MCF2L: variants seen among roughly 807,000 people sequenced by gnomAD.
MCF2L encodes the protein guanine nucleotide exchange factor DBS.
Under a neutral mutation model 153.4 loss-of-function variants are expected in MCF2L, and 97 were observed. The observed-to-expected ratio is 0.63, with a 90% confidence interval of 0.54 to 0.75. MCF2L has a LOEUF of 0.75. Among genes scored for constraint, MCF2L ranks in the 30% least tolerant of loss-of-function variants. The pLI, the probability that MCF2L is intolerant of heterozygous loss-of-function variation, is 0.00. For missense variants in MCF2L, 1,347 were observed against 1,495.2 expected (o/e 0.90, Z 1.64); for synonymous variants, 659 against 632.2 (o/e 1.04, Z -0.64).
Position 112,946,298 on chromosome 13 carries a change from A to C in MCF2L, c.169+43927A>C, listed in dbSNP as rs565257403. On this transcript the variant is annotated intron_variant, in intron 2 of 29. Coordinates refer to the MCF2L transcript ENST00000375608. ...CTCCCTTTCTGATAAAAAAAAAAAA[A>C]CTATAGTAACTTTAATCCCTAAATA... 2.2e-3 allele frequency among the ~76,000 whole-genome samples: 331 copies of C among 150,458 alleles called. 7 individuals are homozygous for C. In the East Asian group the frequency reaches 0.034, roughly 16 times the overall value.
chr13:112,933,676 T>G lies in MCF2L; in HGVS notation c.169+31305T>G, dbSNP rs544539344. Among the ~76,000 whole-genome samples, 2 of 152,382 alleles carry G rather than the reference T, an allele frequency of 1.3e-5. 1 individual carries two copies. The highest frequency in any genetic ancestry group is 4.8e-5 in the African/African-American group (2 of 41,596). On this transcript the variant is annotated intron_variant, in intron 2 of 29. Coordinates refer to the MCF2L transcript ENST00000375608. ...GGAATATGTTGATGTTAACTCTTCA[T>G]CCTCATGACAACCCTGTGAGGTGTG...
At chr13:113,002,347 T>G (rs1250058060) in intron 1 of MCF2L, among the ~76,000 whole-genome samples, 1 of 152,264 alleles carries the variant, frequency 6.6e-6, no homozygotes, top group Non-Finnish European at 1.5e-5. Flanking sequence ...TCGAGGTTTT[T>G]CATAGACAGG....
At chr13:112,981,156 T>C (rs1594464111) in intron 1 of MCF2L, among the ~76,000 whole-genome samples, 1 of 147,434 alleles carries the variant, frequency 6.8e-6, no homozygotes, top group Admixed American at 6.7e-5. Context: ...GACCCTGACA[T>C]GTCCCCTTCC....
At chr13:112,991,406 G>T (rs1039362225) in intron 1 of MCF2L, among the ~76,000 whole-genome samples, 1 of 151,770 alleles carries the variant, frequency 6.6e-6, no homozygotes, top group Non-Finnish European at 1.5e-5. Flanking sequence ...GTTTTGGGGG[G>T]TGTCTCTGAG....
intron 26 of MCF2L, among the ~76,000 whole-genome samples, chr13:113,091,800 G>A (rs1218464507): frequency 2.6e-5 from 4 of 152,216 alleles, no homozygotes; most frequent in Non-Finnish European, 5.9e-5. Context: ...CCCCTGGCCT[G>A]TTGAGGACCT....
In MCF2L at chr13:113,065,002, C is replaced by A. The variant is rs2032134397; in HGVS notation, c.673C>A (p.Leu225Met). ...AQMLQSFGTE[L>M]AETELPNDVQ... is the part of the protein sequence containing the mutation. ...GATGCTGCAGTCCTTCGGGACCGAG[C>A]TGGCTGAAACAGAGCTGCCCAATGA... The change falls in exon 7 of 30, where the codon CTG becomes ATG. Residue 225 changes from leucine to methionine, a missense_variant. Around this residue, in one of 3 missense-constraint regions of MCF2L, gnomAD observed 820 missense variants for 921.2 expected, o/e 0.89. Coordinates refer to ENST00000535094, the MANE Select transcript of MCF2L (RefSeq NM_001112732.3). The A allele has an allele frequency of 1.2e-6, 2 of 1,612,934 alleles. No individual in the cohort carries two copies. Among genetic ancestry groups the A allele is most frequent in the Non-Finnish European group, 1.7e-6 (2 of 1,180,000 alleles).
At chr13:112,955,722 G>A (rs1158004078) in intron 2 of MCF2L, among the ~76,000 whole-genome samples, 1 of 152,134 alleles carries the variant, frequency 6.6e-6, no homozygotes. Flanking sequence ...GAGCCCCTGC[G>A]CTCAGCATTT....
Position 113,053,964 on chromosome 13 carries a change from C to T in MCF2L, c.370-6629C>T, listed in dbSNP as rs916091391. 3.3e-5 allele frequency among the ~76,000 whole-genome samples: 5 copies of T among 152,144 alleles called. No homozygotes were observed. The highest frequency in any genetic ancestry group is 2.1e-4 in the South Asian group (1 of 4,818). On this transcript the variant is annotated intron_variant, in intron 4 of 29. Coordinates refer to ENST00000535094, the MANE Select transcript of MCF2L (RefSeq NM_001112732.3). This position sits in a 1 kb window ranked among gnomAD's most constrained non-coding sequence, Gnocchi z 4.4. ...ACTCTTGATGGGAGCTCAGTTCACA[C>T]GGCTCCGAATCGGCGAAACGCAACC...
intron 1 of MCF2L, among the ~76,000 whole-genome samples, chr13:112,996,200 C>A (rs921694752): frequency 6.6e-6 from 1 of 152,144 alleles, no homozygotes; most frequent in African/African-American, 2.4e-5. Flanking sequence ...TGGAGGCGTG[C>A]ACCTGTAACC....
At position 113,044,815 on chromosome 13, in the gene MCF2L, C is replaced by T. The variant is rs566368123; in HGVS notation, c.279-456C>T. ...AGTCTTGGGGATTTTCTCCCAGCAC[C>T]GTAGCCATGCCACCACGAGTGAATC... On this transcript the variant is annotated intron_variant, in intron 3 of 29. Transcript: ENST00000535094. 59 of 1,612,916 alleles carry T rather than the reference C, an allele frequency of 3.7e-5. No homozygotes were observed. In the Admixed American group the frequency reaches 5.8e-4, roughly 16 times the overall value.
At position 113,074,452 on chromosome 13, in the gene MCF2L, C is replaced by T; in HGVS notation, c.1005C>T (p.Ala335=). ...HFEQGFREVK[A]ILDAASQKIA... is the part of the protein sequence containing the mutation. ...GCCCTCCTCTGTTCCAGGTCAAAGC[C>T]ATCTTGGACGCAGCGTCCCAGAAGA... The change falls in exon 10 of 30, where the codon GCC becomes GCT. Residue 335 remains alanine, a synonymous_variant. Coordinates refer to ENST00000535094, the MANE Select transcript of MCF2L (RefSeq NM_001112732.3). The surrounding 1 kb of genome is among the most constrained non-coding windows in gnomAD (Gnocchi z 4.2). 6.2e-7 allele frequency: 1 copy of T among 1,613,510 alleles called. No homozygotes were observed. The highest frequency in any genetic ancestry group is 1.3e-5 in the African/African-American group (1 of 75,064).
chr13:113,089,657 A>G lies in MCF2L; in HGVS notation c.2882A>G (p.Lys961Arg). 1.2e-6 allele frequency: 2 copies of G among 1,614,000 alleles called. No homozygotes were observed. Among genetic ancestry groups the G allele is most frequent in the Non-Finnish European group, 8.5e-7 (1 of 1,179,998 alleles). The change falls in exon 26 of 30, where the codon AAA becomes AGA. Residue 961 changes from lysine to arginine, a missense_variant. Around this residue, in one of 3 missense-constraint regions of MCF2L, gnomAD observed 383 missense variants for 335.4 expected, o/e 1.14. Coordinates refer to ENST00000535094, the MANE Select transcript of MCF2L (RefSeq NM_001112732.3). ...AACATCAAGAAGCTGGAAGAAAGGA[A>G]AACAGACCCCCTAAGCCTGGAGGGA... Reference protein sequence around the residue: ...SRNIKKLEERKTDPLSLEGYV... With the variant: ...SRNIKKLEERRTDPLSLEGYV...
rs567507359 is a variant in MCF2L, at chr13:112,900,925, T to C, written c.-4-1274T>C. Among the ~76,000 whole-genome samples, 7 of 147,998 alleles carry C rather than the reference T, an allele frequency of 4.7e-5. No individual in the cohort carries two copies. In the South Asian group the frequency reaches 1.3e-3, roughly 28 times the overall value. On this transcript the variant is annotated intron_variant, in intron 1 of 29. Transcript: ENST00000375608. Reference sequence around the variant, plus strand: ...TGCAGGTCTGACCTGAGGGATGGGATGGGGTTTAGCTGAAGACAATGAAAG... The same window carrying C: ...TGCAGGTCTGACCTGAGGGATGGGACGGGGTTTAGCTGAAGACAATGAAAG...
At chr13:113,000,336 C>T (rs917704976) in intron 1 of MCF2L, among the ~76,000 whole-genome samples, 1 of 152,132 alleles carries the variant, frequency 6.6e-6, no homozygotes, top group Non-Finnish European at 1.5e-5. Context: ...GACATCACAG[C>T]CCCTCGGTGG....
At chr13:112,917,330 A>C in intron 2 of MCF2L, 2 of 365,616 alleles carry the variant, frequency 5.5e-6, no homozygotes, top group Non-Finnish European at 1.1e-5. Flanking sequence ...TTGGCCAGAA[A>C]CCCCATCGTC....
chr13:113,057,734 T>A, intron 4 of MCF2L, among the ~76,000 whole-genome samples: 1 of 136,732 alleles, frequency 7.3e-6, no homozygotes, highest in Non-Finnish European at 1.6e-5. Context: ...GGGTGCTGAG[T>A]GTTGGGTGCT....
chr13:112,925,548 A>G (rs895697244), intron 2 of MCF2L, among the ~76,000 whole-genome samples: 6 of 152,214 alleles, frequency 3.9e-5, no homozygotes, highest in South Asian at 2.1e-4. Flanking sequence ...ACGAGAAGAA[A>G]TAAACCACTA....
At chr13:113,077,562 G>A (rs991748779) in intron 13 of MCF2L, among the ~76,000 whole-genome samples, 2 of 152,140 alleles carry the variant, frequency 1.3e-5, no homozygotes, top group Non-Finnish European at 1.5e-5. Context: ...AACCATCTCC[G>A]GCCTTCCCAG....
intron 1 of MCF2L, among the ~76,000 whole-genome samples, chr13:113,011,664 T>C (rs9549335): frequency 0.24 from 14,585 of 61,948 alleles, 3,110 homozygotes; most frequent in East Asian, 0.53. Flanking sequence ...CGGTGGACAC[T>C]GTGATGCAGA....
Sources: gnomAD v4.1 joint callset for allele counts (sites outside exome capture counted in the v4.1 genomes callset) on GRCh38, gnomAD v4.1.1 for gene constraint, gnomAD v4.1.1 regional missense constraint, Gnocchi (gnomAD v3.1) non-coding constraint, MANE v1.5 for transcripts, NCBI Gene and HGNC (gene_info 2026-07-23, HGNC 2026-07-21) for gene names.